The following LRRC4C variants were observed in gnomAD, a reference collection of about 807,000 sequenced individuals.
LRRC4C encodes the protein leucine rich repeat containing 4C, also known as leucine-rich repeat-containing protein 4C.
LRRC4C carries 5 observed loss-of-function variants against 33.6 expected under a neutral mutation model. The observed-to-expected ratio is 0.15, with a 90% confidence interval of 0.08 to 0.31. LRRC4C has a LOEUF of 0.31. Among genes scored for constraint, LRRC4C ranks in the 10% least tolerant of loss-of-function variants. The pLI, the probability that LRRC4C is intolerant of heterozygous loss-of-function variation, is 1.00. For synonymous variants in LRRC4C, 329 were observed against 302.0 expected (o/e 1.09, Z -0.93); for missense variants, 560 against 796.7 (o/e 0.70, Z 3.58).
intron 2 of LRRC4C, among the ~76,000 whole-genome samples, chr11:40,719,457 C>T (rs1010591048): frequency 1.3e-5 from 2 of 152,048 alleles, no homozygotes; most frequent in African/African-American, 2.4e-5. Flanking sequence ...CGTTAGATCT[C>T]GGAGTCATAG....
At chr11:41,274,380 T>C (rs1949413290) in intron 1 of LRRC4C, among the ~76,000 whole-genome samples, 1 of 152,112 alleles carries the variant, frequency 6.6e-6, no homozygotes, top group East Asian at 1.9e-4. Flanking sequence ...GTCACTACTA[T>C]GGTTCAATGA....
chr11:40,514,003 T>C (rs934570049), intron 3 of LRRC4C, among the ~76,000 whole-genome samples: 1 of 152,190 alleles, frequency 6.6e-6, no homozygotes, highest in Non-Finnish European at 1.5e-5. Context: ...CCACTATGAA[T>C]CCTCTTGGAA....
At chr11:41,226,378 A>G (rs1008877391) in intron 1 of LRRC4C, among the ~76,000 whole-genome samples, 3 of 152,176 alleles carry the variant, frequency 2.0e-5, no homozygotes, top group Non-Finnish European at 4.4e-5. Context: ...TTGACAGGAA[A>G]GAAGCAAGCA....
chr11:41,345,326 G>A (rs1951768778), intron 1 of LRRC4C, among the ~76,000 whole-genome samples: 1 of 152,108 alleles, frequency 6.6e-6, no homozygotes, highest in Non-Finnish European at 1.5e-5. Flanking sequence ...AGAGGTGAAG[G>A]TTAATTATCT....
At chr11:41,078,622 C>T (rs980756837) in intron 1 of LRRC4C, among the ~76,000 whole-genome samples, 1 of 152,056 alleles carries the variant, frequency 6.6e-6, no homozygotes, top group Non-Finnish European at 1.5e-5. Context: ...AGAACTCACT[C>T]ATTAAGAGAA....
At chr11:40,444,670 C>G (rs1348728251) in intron 3 of LRRC4C, among the ~76,000 whole-genome samples, 1 of 152,162 alleles carries the variant, frequency 6.6e-6, no homozygotes, top group Admixed American at 6.6e-5. Context: ...CCTGATCTGG[C>G]ATTTCCAATG....
At chr11:41,191,689 TG>T (rs1945956113) in intron 1 of LRRC4C, among the ~76,000 whole-genome samples, 1 of 152,160 alleles carries the variant, frequency 6.6e-6, no homozygotes, top group African/African-American at 2.4e-5. Context: ...TGCTTTAGAA[TG>T]GGTAGTAGAT....
intron 1 of LRRC4C, among the ~76,000 whole-genome samples, chr11:40,970,159 C>A (rs114903679): frequency 2.6e-5 from 4 of 152,128 alleles, no homozygotes; most frequent in Non-Finnish European, 4.4e-5. Flanking sequence ...TTCTAGCGAA[C>A]CTCAAACCAA....
At chr11:41,252,658 A>C (rs1159161343) in intron 1 of LRRC4C, among the ~76,000 whole-genome samples, 3 of 152,160 alleles carry the variant, frequency 2.0e-5, no homozygotes, top group African/African-American at 7.2e-5. Context: ...TAAGTGCCTT[A>C]GTCTGCTCTC....
chr11:40,403,315 C>A (rs1233563032), intron 3 of LRRC4C, among the ~76,000 whole-genome samples: 1 of 152,056 alleles, frequency 6.6e-6, no homozygotes, highest in African/African-American at 2.4e-5. Context: ...TTTAGATAAA[C>A]CAAGTTAGTT....
At chr11:41,250,578 G>A (rs868830246) in intron 1 of LRRC4C, among the ~76,000 whole-genome samples, 14 of 152,174 alleles carry the variant, frequency 9.2e-5, no homozygotes, top group Admixed American at 4.6e-4. Context: ...GGGACAGGGA[G>A]CCAAAAATTA....
At chr11:40,404,528 C>T (rs1949886713) in intron 3 of LRRC4C, among the ~76,000 whole-genome samples, 1 of 152,058 alleles carries the variant, frequency 6.6e-6, no homozygotes, top group Non-Finnish European at 1.5e-5. Flanking sequence ...TTCCTTCTAC[C>T]TCACAAGTGA....
chr11:40,478,967 T>C (rs2138380758), intron 3 of LRRC4C, among the ~76,000 whole-genome samples: 1 of 152,258 alleles, frequency 6.6e-6, no homozygotes, highest in East Asian at 1.9e-4. Flanking sequence ...CTATTAACTT[T>C]TAAAACACTT....
chr11:40,598,844 C>T (rs1486238220), intron 3 of LRRC4C, among the ~76,000 whole-genome samples: 2 of 151,964 alleles, frequency 1.3e-5, no homozygotes, highest in African/African-American at 4.8e-5. Flanking sequence ...GTGCTCTCAC[C>T]CCCAGAAAGC....
At chr11:41,059,694 T>C (rs771293862) in intron 1 of LRRC4C, among the ~76,000 whole-genome samples, 6 of 152,148 alleles carry the variant, frequency 3.9e-5, no homozygotes, top group Non-Finnish European at 5.9e-5. Context: ...AATTTGCTAC[T>C]CAAGAGTAGT....
chr11:41,037,129 T>C (rs1857127174), intron 1 of LRRC4C, among the ~76,000 whole-genome samples: 1 of 145,938 alleles, frequency 6.9e-6, no homozygotes, highest in Admixed American at 7.0e-5. Context: ...CAAAGGCTTT[T>C]TTCTCTCAGG....
intron 3 of LRRC4C, among the ~76,000 whole-genome samples, chr11:40,615,479 C>G (rs1428478028): frequency 2.0e-5 from 3 of 151,482 alleles, no homozygotes; most frequent in Non-Finnish European, 4.4e-5. Flanking sequence ...CTATTTGAAG[C>G]TATTTGCTTC....
At chr11:40,888,555 A>C (rs531785322) in intron 2 of LRRC4C, among the ~76,000 whole-genome samples, 5 of 152,106 alleles carry the variant, frequency 3.3e-5, no homozygotes, top group Admixed American at 3.3e-4. Context: ...ACTTATTTGG[A>C]AATGTTGTTC....
intron 3 of LRRC4C, among the ~76,000 whole-genome samples, chr11:40,358,142 C>T (rs1947761427): frequency 1.3e-5 from 2 of 151,882 alleles, no homozygotes; most frequent in Non-Finnish European, 1.5e-5. Context: ...GAGATTGTGC[C>T]ACTGCACTCC....
Sources: allele counts gnomAD v4.1 joint callset (sites outside exome capture counted in the v4.1 genomes callset), GRCh38; gene constraint gnomAD v4.1.1; transcripts MANE v1.5; gene names NCBI Gene and HGNC (gene_info 2026-07-23, HGNC 2026-07-21).